Variants in MMP24 observed in about 807,000 individuals in gnomAD.
The protein encoded by MMP24 is matrix metalloproteinase-24.
Under a neutral mutation model 62.8 loss-of-function variants are expected in MMP24, and 25 were observed. That is an observed-to-expected ratio of 0.40 (90% CI 0.29 to 0.56). The LOEUF is 0.56. Ranked by LOEUF, MMP24 falls within the 20% of genes least tolerant of loss-of-function variation. The pLI, the probability that MMP24 is intolerant of heterozygous loss-of-function variation, is 0.50. For missense variants in MMP24, 634 were observed against 853.6 expected (o/e 0.74, Z 3.21); for synonymous variants, 319 against 350.5 (o/e 0.91, Z 1.00).
intron 2 of MMP24, among the ~76,000 whole-genome samples, chr20:35,249,894 G>A (rs1355948339): frequency 2.6e-5 from 4 of 151,670 alleles, no homozygotes; most frequent in Admixed American, 1.3e-4. Context: ...TGCCTGGCCC[G>A]GGAATAATAA....
intron 5 of MMP24, among the ~76,000 whole-genome samples, chr20:35,264,839 G>A (rs1170421741): frequency 6.6e-6 from 1 of 151,778 alleles, no homozygotes; most frequent in Non-Finnish European, 1.5e-5. Flanking sequence ...GGTATGTGAG[G>A]TTCTTGTTCT....
At position 35,271,561 on chromosome 20, in the gene MMP24, G is replaced by T. The variant is rs754383135; in HGVS notation, c.1334-8G>T. The T allele has an allele frequency of 6.2e-7, 1 of 1,610,074 alleles. No individual in the cohort carries two copies. Among genetic ancestry groups the T allele is most frequent in the South Asian group, 1.1e-5 (1 of 90,626 alleles). ...GGGAAGCTGATCCTGGGCTCCTCTTGGCCACAGGTGACAAGTATTGGGTGT... is the reference window on the plus strand; with the variant it reads ...GGGAAGCTGATCCTGGGCTCCTCTTTGCCACAGGTGACAAGTATTGGGTGT... On this transcript the variant is annotated splice_region_variant and splice_polypyrimidine_tract_variant and intron_variant, in intron 7 of 8. Coordinates refer to ENST00000246186, the MANE Select transcript of MMP24 (RefSeq NM_006690.4). The surrounding 1 kb of genome is among the most constrained non-coding windows in gnomAD (Gnocchi z 4.0).
chr20:35,226,777 G>C lies in MMP24; in HGVS notation c.39G>C (p.Pro13=). 4.8e-6 allele frequency: 1 copy of C among 206,370 alleles called. No homozygotes were observed. The highest frequency in any genetic ancestry group is 7.2e-6 in the Non-Finnish European group (1 of 138,554). The allele number at this position is 206,370 out of a possible 1,614,324, so 12.8% of individuals were successfully genotyped here. A position where few individuals can be genotyped will look rare whatever the true frequency, so the allele number is the denominator to read the frequency against. Residue 13 remains proline, a synonymous_variant, in exon 1 of 9, where the codon CCG becomes CCC. Transcript: ENST00000246186. ...RSRGGRAAPG[P]PPPPPPPGQA... ...GGGGCGGCCGCGCCGCGCCGGGGCC[G>C]CCGCCGCCGCCGCCGCCGCCGGGCC...
At chr20:35,265,078 C>A (rs2060625862) in intron 5 of MMP24, among the ~76,000 whole-genome samples, 1 of 152,230 alleles carries the variant, frequency 6.6e-6, no homozygotes, top group South Asian at 2.1e-4. Context: ...ACAACAGGAT[C>A]TGCTGACAGA....
Position 35,227,186 on chromosome 20 carries a change from G to A in MMP24, c.246+202G>A, listed in dbSNP as rs1341084193. ...GCCTCGCCGAGGGCCGCCGAGGCCG[G>A]GAGCTGCTTCAGCACCGCGGACAGG... On this transcript the variant is annotated intron_variant, in intron 1 of 8. Coordinates refer to ENST00000246186, the MANE Select transcript of MMP24 (RefSeq NM_006690.4). Among the ~76,000 whole-genome samples the A allele has an allele frequency of 3.3e-5, 5 of 151,650 alleles. No individual in the cohort carries two copies. The East Asian group carries it at 5.9e-4, about 18-fold the overall frequency.
rs1353394161 is a variant in MMP24, at chr20:35,251,958, G to C, written c.449G>C (p.Arg150Thr). The C allele has an allele frequency of 9.9e-6, 16 of 1,613,908 alleles. No individual in the cohort carries two copies. Among genetic ancestry groups the C allele is most frequent in the African/African-American group, 1.3e-5 (1 of 74,926 alleles). Residue 150 changes from arginine (R) to threonine (T), a missense_variant, in exon 3 of 9, where the codon AGG (arginine) becomes ACG (threonine). By Grantham distance (71) the Arg-to-Thr change is moderately conservative. Transcript: ENST00000246186. ...CCTGATCACCCCCACTTAAGCCGTAGGCGGAGAAACAAGCGCTATGCCCTG... is the reference window on the plus strand; with the variant it reads ...CCTGATCACCCCCACTTAAGCCGTACGCGGAGAAACAAGCGCTATGCCCTG... ...GVPDHPHLSR[R>T]RRNKRYALTG...
chr20:35,267,565 GTCTCTTC>G, intron 6 of MMP24, 146 bp downstream of exon 6: 1 of 834,048 alleles, frequency 1.2e-6, no homozygotes, highest in Admixed American at 2.7e-5. Context: ...AGGGCATGGG[GTCTCTTC>G]CTAGTGCTGC....
In MMP24 at chr20:35,269,656, CG is replaced by C. The variant is rs2060656189; in HGVS notation, c.1195-102del. 1 of 1,366,190 alleles carries C rather than the reference CG, an allele frequency of 7.3e-7. No individual in the cohort carries two copies. The highest frequency in any genetic ancestry group is 9.8e-7 in the Non-Finnish European group (1 of 1,016,250). 84.6% of individuals were successfully genotyped at this position (1,366,190 alleles called of 1,614,324 possible). A position where few individuals can be genotyped will look rare whatever the true frequency, so the allele number is the denominator to read the frequency against. ...GTCAGAAGCAGCTAATGGACAGTCTCGGTGGAGGGCTGGGCTGTTGGGACCT... is the reference window on the plus strand; with the variant it reads ...GTCAGAAGCAGCTAATGGACAGTCTCGTGGAGGGCTGGGCTGTTGGGACCT... On this transcript the variant is annotated intron_variant, in intron 6 of 8. Transcript: ENST00000246186. This position sits in a 1 kb window ranked among gnomAD's most constrained non-coding sequence, Gnocchi z 4.6.
Position 35,263,826 on chromosome 20 carries a change from G to A in MMP24, c.853G>A (p.Gly285Ser). The change falls in exon 5 of 9, where the codon GGC becomes AGC. Residue 285 changes from glycine to serine, a missense_variant. By Grantham distance (56) the Gly-to-Ser change is moderately conservative. Coordinates refer to ENST00000246186, the MANE Select transcript of MMP24 (RefSeq NM_006690.4). The stretch of plus-strand genomic sequence containing the variant: ...CTTCCTGGTGGCTGTGCATGAGCTG[G>A]GCCACGCGCTGGGACTGGAGCACTC... ...DLFLVAVHELGHALGLEHSSD... is the reference protein window; with the variant it reads ...DLFLVAVHELSHALGLEHSSD... The A allele has an allele frequency of 6.2e-7, 1 of 1,601,042 alleles. No individual in the cohort carries two copies. The highest frequency in any genetic ancestry group is 8.5e-7 in the Non-Finnish European group (1 of 1,173,782).
chr20:35,245,511 C>T (rs1487714309), intron 1 of MMP24, among the ~76,000 whole-genome samples: 4 of 151,340 alleles, frequency 2.6e-5, no homozygotes, highest in African/African-American at 9.7e-5. Flanking sequence ...GGCAGTTGTG[C>T]AATCTTGGCT....
intron 7 of MMP24, among the ~76,000 whole-genome samples, chr20:35,270,852 C>T (rs2060665156): frequency 6.6e-6 from 1 of 152,160 alleles, no homozygotes; most frequent in South Asian, 2.1e-4. Context: ...CCAGCCTGAC[C>T]AACATGGTGA....
intron 4 of MMP24, among the ~76,000 whole-genome samples, chr20:35,261,277 G>C (rs762270759): frequency 6.6e-6 from 1 of 152,158 alleles, no homozygotes; most frequent in Admixed American, 6.5e-5. Context: ...CACTGGCCTC[G>C]TGCTTCCTTT....
At chr20:35,268,978 G>A (rs2060652235) in intron 6 of MMP24, among the ~76,000 whole-genome samples, 1 of 147,872 alleles carries the variant, frequency 6.8e-6, no homozygotes, top group African/African-American at 2.5e-5. Flanking sequence ...AGTGAGCCGA[G>A]ATTGCGCCAC....
intron 1 of MMP24, among the ~76,000 whole-genome samples, chr20:35,235,113 C>T (rs1212220258): frequency 2.0e-5 from 3 of 152,214 alleles, no homozygotes; most frequent in African/African-American, 7.2e-5. Context: ...AGTTAAGAAA[C>T]TGAGACTTGG....
rs1191803002 is a variant in MMP24 at position 35,274,852 on chromosome 20, T to A, written c.*243T>A. The stretch of plus-strand genomic sequence containing the variant: ...CTTCTGTCCTGGGCAAACTACTCCC[T>A]ACTTAAGGGAATAGGCCAGGCTCCA... On this transcript the variant is annotated 3_prime_UTR_variant, in exon 9 of 9. Transcript: ENST00000246186. The surrounding 1 kb of genome is among the most constrained non-coding windows in gnomAD (Gnocchi z 5.1). 1 of 545,380 alleles carries A rather than the reference T, an allele frequency of 1.8e-6. No homozygotes were observed. The highest frequency in any genetic ancestry group is 3.1e-5 in the East Asian group (1 of 32,034). The allele number at this position is 545,380 out of a possible 1,614,324, so 33.8% of individuals were successfully genotyped here. A position where few individuals can be genotyped will look rare whatever the true frequency, so the allele number is the denominator to read the frequency against.
intron 3 of MMP24, among the ~76,000 whole-genome samples, chr20:35,254,081 C>T (rs572727443): frequency 7.2e-5 from 11 of 152,268 alleles, no homozygotes; most frequent in Admixed American, 2.6e-4. Flanking sequence ...GTTGGTCAGG[C>T]TGGTCTCGAA....
Position 35,276,566 on chromosome 20 carries a change from G to A in MMP24, c.*1957G>A. ...TGAGATGAGATGAGAAGTGTCTCCT[G>A]TATCCACCTCTTCCTGGCCTCCCTT... On this transcript the variant is annotated 3_prime_UTR_variant, in exon 9 of 9. Coordinates refer to ENST00000246186, the MANE Select transcript of MMP24 (RefSeq NM_006690.4). 3.0e-6 allele frequency: 1 copy of A among 338,398 alleles called. No individual in the cohort carries two copies. The highest frequency in any genetic ancestry group is 5.3e-6 in the Non-Finnish European group (1 of 187,640). 21.0% of individuals were successfully genotyped at this position (338,398 alleles called of 1,614,324 possible). A position where few individuals can be genotyped will look rare whatever the true frequency, so the allele number is the denominator to read the frequency against.
intron 4 of MMP24, among the ~76,000 whole-genome samples, chr20:35,257,143 G>A (rs1367902303): frequency 6.6e-6 from 1 of 152,148 alleles, no homozygotes; most frequent in African/African-American, 2.4e-5. Context: ...TTATATCATC[G>A]CATGGATTAG....
intron 4 of MMP24, among the ~76,000 whole-genome samples, chr20:35,262,103 G>C (rs576891657): frequency 6.6e-6 from 1 of 152,144 alleles, no homozygotes; most frequent in South Asian, 2.1e-4. Context: ...CGCCCAGCCA[G>C]CTCAGGGCCT....
Sources: allele counts gnomAD v4.1 joint callset (sites outside exome capture counted in the v4.1 genomes callset), GRCh38; gene constraint gnomAD v4.1.1; non-coding constraint Gnocchi (gnomAD v3.1); transcripts MANE v1.5; gene names NCBI Gene and HGNC (gene_info 2026-07-23, HGNC 2026-07-21).